Variants in CELF2 observed in about 807,000 individuals in gnomAD.
CELF2 encodes the protein CUGBP Elav-like family member 2.
A neutral mutation model predicts 62.6 loss-of-function variants in CELF2; 8 were observed. That is an observed-to-expected ratio of 0.13 (90% confidence interval 0.07 to 0.23). The LOEUF (loss-of-function observed/expected upper bound fraction) is 0.23. CELF2 is among the 10% of genes least tolerant of loss of function. CELF2 has a pLI of 1.00. For missense variants in CELF2, 333 were observed against 671.0 expected (o/e 0.50, Z 5.56); for synonymous variants, 258 against 250.0 (o/e 1.03, Z -0.30).
intron 9 of CELF2, among the ~76,000 whole-genome samples, chr10:11,295,709 G>C (rs966301219): frequency 6.6e-6 from 1 of 152,226 alleles, no homozygotes. Flanking sequence ...CAGGTGGTTT[G>C]AAAGTTCTTC....
the CELF2 span, among the ~76,000 whole-genome samples, chr10:10,688,106 T>A: frequency 4.6e-5 from 7 of 152,240 alleles, no homozygotes. Context: ...TGTTTTGTTA[T>A]AGTCAGTCTG....
chr10:10,613,004 G>T, the CELF2 span, among the ~76,000 whole-genome samples: 1 of 152,122 alleles, frequency 6.6e-6, no homozygotes, highest in Admixed American at 6.5e-5. Context: ...TTTAAAATGA[G>T]AAAATAAAAC....
chr10:11,213,618 G>C (rs960681778), intron 2 of CELF2, among the ~76,000 whole-genome samples: 1 of 152,204 alleles, frequency 6.6e-6, no homozygotes, highest in Non-Finnish European at 1.5e-5. Context: ...AGCATATTAA[G>C]TGATAGGTGG....
chr10:10,680,579 C>T, the CELF2 span, among the ~76,000 whole-genome samples: 1 of 152,202 alleles, frequency 6.6e-6, no homozygotes, highest in Middle Eastern at 3.2e-3. Context: ...CTTATTAGGG[C>T]CCAGTTACAT....
chr10:11,251,172 C>G (rs532099580), intron 4 of CELF2, among the ~76,000 whole-genome samples: 1 of 151,144 alleles, frequency 6.6e-6, no homozygotes, highest in East Asian at 2.0e-4. Flanking sequence ...AAGGGTTTGT[C>G]TCACTTCTGA....
the CELF2 span, among the ~76,000 whole-genome samples, chr10:10,507,770 C>CT: frequency 6.6e-6 from 1 of 152,074 alleles, no homozygotes. Flanking sequence ...TGAAAGCTGA[C>CT]TTTATAAAAT....
chr10:11,222,899 G>C (rs1398382084), intron 3 of CELF2, among the ~76,000 whole-genome samples: 2 of 152,210 alleles, frequency 1.3e-5, no homozygotes, highest in Non-Finnish European at 2.9e-5. Flanking sequence ...CATAGACACA[G>C]ATCTATATAT....
At chr10:10,829,022 C>G (rs1283199001) in intron 1 of CELF2, among the ~76,000 whole-genome samples, 1 of 152,044 alleles carries the variant, frequency 6.6e-6, no homozygotes, top group African/African-American at 2.4e-5. Flanking sequence ...AAGAGGGGAT[C>G]AAATGGAAAA....
chr10:10,709,773 C>A, the CELF2 span, among the ~76,000 whole-genome samples: 1 of 152,118 alleles, frequency 6.6e-6, no homozygotes, highest in East Asian at 1.9e-4. Context: ...TGAATAATGG[C>A]AATTATGATC....
intron 5 of CELF2, among the ~76,000 whole-genome samples, chr10:11,263,637 T>C (rs1187117932): frequency 3.3e-5 from 5 of 152,166 alleles, no homozygotes; most frequent in Non-Finnish European, 5.9e-5. Flanking sequence ...ACAACCCAGG[T>C]TATTTCTGTC....
At chr10:10,981,519 C>A (rs1437462920) in intron 2 of CELF2, among the ~76,000 whole-genome samples, 3 of 152,256 alleles carry the variant, frequency 2.0e-5, no homozygotes, top group Admixed American at 1.3e-4. Flanking sequence ...AGTTTTTATA[C>A]CTAGTTGAGA....
intron 3 of CELF2, among the ~76,000 whole-genome samples, chr10:11,232,488 C>T (rs2069131808): frequency 6.6e-6 from 1 of 152,108 alleles, no homozygotes; most frequent in South Asian, 2.1e-4. Flanking sequence ...TGATCACAAT[C>T]ACAGCATCCA....
At chr10:10,752,656 C>G in the CELF2 span, among the ~76,000 whole-genome samples, 1 of 138,730 alleles carries the variant, frequency 7.2e-6, no homozygotes, top group Admixed American at 7.6e-5. Flanking sequence ...CACCACTGCA[C>G]TCCAGCCTGA....
chr10:10,474,555 CTTAT>C, the CELF2 span, among the ~76,000 whole-genome samples: 455 of 152,114 alleles, frequency 3.0e-3, 3 homozygotes, highest in African/African-American at 0.011. Context: ...TGCAATAAAA[CTTAT>C]TTATGCACAC....
chr10:10,572,909 G>T, the CELF2 span, among the ~76,000 whole-genome samples: 1 of 152,068 alleles, frequency 6.6e-6, no homozygotes, highest in African/African-American at 2.4e-5. Flanking sequence ...TGGTATTTCT[G>T]GTTTTAGATC....
intron 1 of CELF2, among the ~76,000 whole-genome samples, chr10:10,803,682 C>T (rs115685979): frequency 1.3e-5 from 2 of 152,354 alleles, no homozygotes; most frequent in African/African-American, 4.8e-5. Context: ...AGCTAATATT[C>T]TCATCACAGC....
At chr10:11,186,442 C>G (rs1442028720) in intron 2 of CELF2, among the ~76,000 whole-genome samples, 1 of 151,642 alleles carries the variant, frequency 6.6e-6, no homozygotes, top group Non-Finnish European at 1.5e-5. Context: ...CTTTTTTTCT[C>G]CAAATGAAAG....
the CELF2 span, among the ~76,000 whole-genome samples, chr10:10,689,849 A>C: frequency 2.6e-5 from 4 of 152,246 alleles, no homozygotes; most frequent in Admixed American, 1.3e-4. Context: ...ATATCTATAC[A>C]TAACATGTTC....
intron 2 of CELF2, among the ~76,000 whole-genome samples, chr10:10,986,241 G>A (rs1030823377): frequency 5.3e-5 from 8 of 151,814 alleles, no homozygotes; most frequent in African/African-American, 1.9e-4. Flanking sequence ...AAATTCTAAA[G>A]ATTGATTTTC....
Sources: gnomAD v4.1 joint callset for allele counts (sites outside exome capture counted in the v4.1 genomes callset) on GRCh38, gnomAD v4.1.1 for gene constraint, MANE v1.5 for transcripts, NCBI Gene and HGNC (gene_info 2026-07-23, HGNC 2026-07-21) for gene names.